KCNH7: variants seen among roughly 807,000 people sequenced by gnomAD.
The protein encoded by KCNH7 is voltage-gated inwardly rectifying potassium channel KCNH7.
In KCNH7, 49 loss-of-function variants were observed where a neutral mutation model predicts 120.8. The ratio of observed to expected loss-of-function variants is 0.41; its 90% CI spans 0.32 to 0.51. KCNH7 has a LOEUF of 0.51. KCNH7 is among the 20% of genes least tolerant of loss of function. The probability of loss-of-function intolerance (pLI) is 0.38; values close to 1 mark genes in which losing one functional copy is unlikely to be tolerated. For synonymous variants in KCNH7, 547 were observed against 516.1 expected, an observed-to-expected ratio of 1.06 and a Z score of -0.81; for missense variants, 1,097 against 1,446.6, an observed-to-expected ratio of 0.76 and a Z score of 3.92.
At chr2:162,406,287 A>G (rs1247841253) in intron 9 of KCNH7, among the ~76,000 whole-genome samples, 2 of 151,922 alleles carry the variant, frequency 1.3e-5, no homozygotes, top group African/African-American at 4.8e-5. Context: ...GAAAAGAATC[A>G]AAATGTATTC....
At chr2:162,462,830 A>G (rs1156608354) in intron 6 of KCNH7, among the ~76,000 whole-genome samples, 2 of 151,980 alleles carry the variant, frequency 1.3e-5, no homozygotes, top group South Asian at 2.1e-4. Context: ...TCATTCCACA[A>G]TGTTTACGTA....
intron 6 of KCNH7, among the ~76,000 whole-genome samples, chr2:162,472,742 T>G (rs574468622): frequency 1.3e-5 from 2 of 152,328 alleles, no homozygotes; most frequent in African/African-American, 4.8e-5. Flanking sequence ...TTACTGGGTA[T>G]ACACCCAAAG....
At chr2:162,743,606 A>C (rs538185545) in intron 2 of KCNH7, among the ~76,000 whole-genome samples, 2 of 152,306 alleles carry the variant, frequency 1.3e-5, no homozygotes, top group East Asian at 3.9e-4. Context: ...ATTAAAAATT[A>C]GAGGTACATA....
chr2:162,440,417 T>C (rs1218110655), intron 7 of KCNH7, among the ~76,000 whole-genome samples: 1 of 152,032 alleles, frequency 6.6e-6, no homozygotes, highest in East Asian at 1.9e-4. Flanking sequence ...TCCACACTCA[T>C]ATTTTGCTTT....
At chr2:162,521,545 A>T (rs1691523023) in intron 3 of KCNH7, among the ~76,000 whole-genome samples, 1 of 151,910 alleles carries the variant, frequency 6.6e-6, no homozygotes, top group African/African-American at 2.4e-5. Context: ...TATTATTATA[A>T]GCTTTCATTT....
At chr2:162,577,323 A>ATCTATCTATCTATCTG (rs1693708895) in intron 2 of KCNH7, among the ~76,000 whole-genome samples, 1 of 148,474 alleles carries the variant, frequency 6.7e-6, no homozygotes, top group African/African-American at 2.5e-5. Flanking sequence ...CTATCTATCT[A>ATCTATCTATCTATCTG]TCTATCTGTC....
intron 2 of KCNH7, among the ~76,000 whole-genome samples, chr2:162,634,438 C>A (rs1252718308): frequency 1.3e-5 from 2 of 152,030 alleles, no homozygotes; most frequent in Non-Finnish European, 2.9e-5. Flanking sequence ...TTAACTATAT[C>A]TTTCAATATC....
chr2:162,432,926 T>A (rs1484436012), intron 8 of KCNH7, among the ~76,000 whole-genome samples: 1 of 152,034 alleles, frequency 6.6e-6, no homozygotes, highest in Non-Finnish European at 1.5e-5. Flanking sequence ...ATTCTAGAAA[T>A]GATAAATGTC....
At chr2:162,824,750 T>C (rs1463728614) in intron 2 of KCNH7, among the ~76,000 whole-genome samples, 1 of 152,084 alleles carries the variant, frequency 6.6e-6, no homozygotes, top group Non-Finnish European at 1.5e-5. Context: ...CATAAGTGAA[T>C]TTCACTTCTG....
chr2:162,616,669 G>A (rs1219477596), intron 2 of KCNH7, among the ~76,000 whole-genome samples: 3 of 152,064 alleles, frequency 2.0e-5, no homozygotes, highest in African/African-American at 7.2e-5. Context: ...ACTTGGGTTG[G>A]GTAGCAGGAT....
intron 2 of KCNH7, among the ~76,000 whole-genome samples, chr2:162,734,666 T>A (rs1687838725): frequency 6.6e-6 from 1 of 152,024 alleles, no homozygotes; most frequent in South Asian, 2.1e-4. Flanking sequence ...AATGGACTTT[T>A]CAAACTCATG....
At chr2:162,752,939 A>G (rs928127025) in intron 2 of KCNH7, among the ~76,000 whole-genome samples, 5 of 97,268 alleles carry the variant, frequency 5.1e-5, no homozygotes, top group East Asian at 9.4e-4. Context: ...AAAAGAAAAG[A>G]AAAGAAAAGA....
chr2:162,674,840 A>G (rs1049319840), intron 2 of KCNH7, among the ~76,000 whole-genome samples: 1 of 151,688 alleles, frequency 6.6e-6, no homozygotes, highest in Admixed American at 6.6e-5. Flanking sequence ...ATGAAAGGCA[A>G]ACTGTAAAAG....
chr2:162,386,857 T>G (rs1686588766), intron 12 of KCNH7, among the ~76,000 whole-genome samples: 1 of 151,758 alleles, frequency 6.6e-6, no homozygotes, highest in African/African-American at 2.4e-5. Flanking sequence ...TAACTTTGGC[T>G]TGATTTTGGA....
intron 6 of KCNH7, among the ~76,000 whole-genome samples, chr2:162,477,149 A>G (rs940372767): frequency 6.6e-6 from 1 of 152,246 alleles, no homozygotes; most frequent in Admixed American, 6.5e-5. Flanking sequence ...GCCTAGCAGT[A>G]AGTAACGATT....
At chr2:162,784,858 A>G (rs1432543236) in intron 2 of KCNH7, 1 of 152,248 alleles carries the variant, frequency 6.6e-6, no homozygotes, top group African/African-American at 2.4e-5. Flanking sequence ...CAAATATTTA[A>G]TGGTAAAAGG....
At chr2:162,504,410 AC>A (rs1223500532) in intron 6 of KCNH7, 32 bp downstream of exon 6, 4 of 1,488,528 alleles carry the variant, frequency 2.7e-6, no homozygotes, top group Non-Finnish European at 3.8e-6. Flanking sequence ...AACCTCTAAA[AC>A]AGTTGAAATT....
intron 2 of KCNH7, among the ~76,000 whole-genome samples, chr2:162,576,758 T>G (rs1693683337): frequency 1.3e-5 from 2 of 151,910 alleles, no homozygotes; most frequent in African/African-American, 4.8e-5. Context: ...GGTCTTGTAA[T>G]AAAAGAAAGA....
At chr2:162,564,303 T>A (rs1417739361) in intron 2 of KCNH7, among the ~76,000 whole-genome samples, 1 of 151,968 alleles carries the variant, frequency 6.6e-6, no homozygotes, top group Non-Finnish European at 1.5e-5. Context: ...AGAGTTTAAA[T>A]GACTTGACAA....
Sources: gnomAD v4.1 joint callset for allele counts (sites outside exome capture counted in the v4.1 genomes callset) on GRCh38, gnomAD v4.1.1 for gene constraint, MANE v1.5 for transcripts, NCBI Gene and HGNC (gene_info 2026-07-23, HGNC 2026-07-21) for gene names.